The following C14orf132 variants were observed in gnomAD, a reference collection of about 807,000 sequenced individuals.
C14orf132 encodes the protein chromosome 14 open reading frame 132.
C14orf132 carries 6 observed loss-of-function variants against 5.8 expected under a neutral mutation model. The observed-to-expected ratio is 1.03, with a 90% confidence interval of 0.57 to 2.04. The LOEUF is 2.04. Among genes scored for constraint, C14orf132 ranks in the 30% most tolerant of loss-of-function variants. The probability of loss-of-function intolerance (pLI) is 0.00; values close to 1 mark genes in which losing one functional copy is unlikely to be tolerated. For synonymous variants in C14orf132, 51 were observed against 49.8 expected (o/e 1.02, Z -0.10); for missense variants, 125 against 115.8 (o/e 1.08, Z -0.37).
At chr14:96,070,581 G>GTC (rs150319643) in intron 1 of C14orf132, among the ~76,000 whole-genome samples, 8,203 of 144,232 alleles carry the variant, frequency 0.057, 456 homozygotes, top group Admixed American at 0.14. Flanking sequence ...GGTAGATGAA[G>GTC]TCTCTCTCTC....
At chr14:96,054,928 G>A (rs1301854073) in intron 1 of C14orf132, among the ~76,000 whole-genome samples, 1 of 152,194 alleles carries the variant, frequency 6.6e-6, no homozygotes, top group Non-Finnish European at 1.5e-5. Context: ...CTCATTCTGA[G>A]AGGAGATCTC....
At position 96,089,096 on chromosome 14, in the gene C14orf132, C is replaced by CTT. The variant is rs575440910; in HGVS notation, c.*2369_*2370dup. The CTT allele has an allele frequency of 5.3e-5, 8 of 151,864 alleles. No homozygotes were observed. The highest frequency in any genetic ancestry group is 1.7e-4 in the African/African-American group (7 of 41,424). 9.4% of individuals were successfully genotyped at this position (151,864 alleles called of 1,614,324 possible). On this transcript the variant is annotated 3_prime_UTR_variant, in exon 2 of 2. Transcript: ENST00000555004. ...TGGTCTCCTGTGGTTTCTTCATCAG[C>CTT]TTTTTTTTTACCAGCATCTCTCAAA...
At chr14:96,054,370 G>A (rs368703263) in intron 1 of C14orf132, among the ~76,000 whole-genome samples, 2 of 152,192 alleles carry the variant, frequency 1.3e-5, no homozygotes, top group Non-Finnish European at 1.5e-5. Flanking sequence ...GTTATGATAC[G>A]TTGCCACAAG....
intron 1 of C14orf132, among the ~76,000 whole-genome samples, chr14:96,060,130 G>C (rs141207859): frequency 2.3e-3 from 352 of 152,330 alleles, no homozygotes; most frequent in Non-Finnish European, 3.8e-3. Flanking sequence ...TGAGTGGCCA[G>C]TGCCCTTTTG....
In C14orf132 at chr14:96,088,871, T is replaced by A. The variant is rs1595197048; in HGVS notation, c.*2136T>A. ...TCTAGCCCTGAAGAGGACTCCAGCA[T>A]CCCAGGCACCGGGTGCTTCTGGCTG... On this transcript the variant is annotated 3_prime_UTR_variant, in exon 2 of 2. Transcript: ENST00000555004. The A allele has an allele frequency of 6.6e-6, 1 of 152,390 alleles. No homozygotes were observed. The highest frequency in any genetic ancestry group is 1.9e-4 in the East Asian group (1 of 5,186). 9.4% of individuals were successfully genotyped at this position (152,390 alleles called of 1,614,324 possible).
chr14:96,047,221 G>A (rs1045726764), intron 1 of C14orf132, among the ~76,000 whole-genome samples: 3 of 152,312 alleles, frequency 2.0e-5, no homozygotes, highest in South Asian at 2.1e-4. Context: ...ATGCAGAGGT[G>A]TAATGAGCAG....
At chr14:96,054,182 G>A (rs1887113505) in intron 1 of C14orf132, among the ~76,000 whole-genome samples, 1 of 152,168 alleles carries the variant, frequency 6.6e-6, no homozygotes. Context: ...TATGCAGGGT[G>A]AGTCACCCGT....
rs548160418 is a variant in C14orf132, at chr14:96,060,326, T to G, written c.27+20799T>G. Among the ~76,000 whole-genome samples the G allele has an allele frequency of 3.3e-5, 5 of 152,246 alleles. No homozygotes were observed. The South Asian group carries it at 1.0e-3, about 32-fold the overall frequency. ...TCTCTGCTGGCCCCCACACTGGCTG[T>G]GTGATCTTTGCAAAGGTGACCCCCT... is the stretch of plus-strand genomic sequence containing the variant. On this transcript the variant is annotated intron_variant, in intron 1 of 1. Coordinates refer to ENST00000555004, the MANE Select transcript of C14orf132 (RefSeq NM_001252507.3).
chr14:96,052,401 T>A (rs1341979113), intron 1 of C14orf132, among the ~76,000 whole-genome samples: 1 of 152,204 alleles, frequency 6.6e-6, no homozygotes, highest in Non-Finnish European at 1.5e-5. Flanking sequence ...GGAGAGGCTA[T>A]ACCTCTCCTC....
chr14:96,086,047 A>C (rs1258745792), intron 1 of C14orf132, among the ~76,000 whole-genome samples: 2 of 152,166 alleles, frequency 1.3e-5, no homozygotes, highest in Admixed American at 1.3e-4. Flanking sequence ...AAAACCATCA[A>C]AATGTTAGCA....
In C14orf132 at chr14:96,091,537, A is replaced by T. The variant is rs1888406383; in HGVS notation, c.*4802A>T. ...CCCGGGATTACCTGCCCCAGCCCCG[A>T]GGTGGGTTGTGCTCCCTGCAGCTGC... is the stretch of plus-strand genomic sequence containing the variant. On this transcript the variant is annotated 3_prime_UTR_variant, in exon 2 of 2. Coordinates refer to ENST00000555004, the MANE Select transcript of C14orf132 (RefSeq NM_001252507.3). 1.3e-5 allele frequency: 2 copies of T among 159,950 alleles called. No homozygotes were observed. The highest frequency in any genetic ancestry group is 6.1e-5 in the Admixed American group (1 of 16,480). The allele number at this position is 159,950 out of a possible 1,614,324, so 9.9% of individuals were successfully genotyped here. A position where few individuals can be genotyped will look rare whatever the true frequency, so the allele number is the denominator to read the frequency against.
intron 1 of C14orf132, among the ~76,000 whole-genome samples, chr14:96,046,052 G>T (rs971095759): frequency 6.6e-6 from 1 of 152,214 alleles, no homozygotes; most frequent in South Asian, 2.1e-4. Context: ...TCCCAAGGTT[G>T]TTGCTCTTCT....
chr14:96,057,182 C>T (rs1165658460), intron 1 of C14orf132, among the ~76,000 whole-genome samples: 4 of 152,014 alleles, frequency 2.6e-5, no homozygotes, highest in East Asian at 1.9e-4. Flanking sequence ...GTGATTAGAC[C>T]GTGAGGGCTT....
intron 1 of C14orf132, among the ~76,000 whole-genome samples, chr14:96,061,009 A>G (rs1183031092): frequency 6.6e-6 from 1 of 152,160 alleles, no homozygotes. Context: ...ACCATCTTTA[A>G]ATAGTAAAAA....
In C14orf132 at chr14:96,049,571, CAT is replaced by C. The variant is rs1300080958; in HGVS notation, c.27+10050_27+10051del. On this transcript the variant is annotated intron_variant, in intron 1 of 1. Transcript: ENST00000555004. ...ATATATACATATATACGTATATATACATATATACGTATATATATACATATATA... is the reference window on the plus strand; with the variant it reads ...ATATATACATATATACGTATATATACATATACGTATATATATACATATATA... Among the ~76,000 whole-genome samples, 2 of 111,022 alleles carry C rather than the reference CAT, an allele frequency of 1.8e-5. 1 individual carries two copies. Among genetic ancestry groups the C allele is most frequent in the African/African-American group, 6.2e-5 (2 of 32,314 alleles). The allele number at this position is 111,022 out of a possible 152,430, so 72.8% of individuals were successfully genotyped here.
chr14:96,045,307 T>C (rs1886802229), intron 1 of C14orf132, among the ~76,000 whole-genome samples: 1 of 152,204 alleles, frequency 6.6e-6, no homozygotes, highest in African/African-American at 2.4e-5. Flanking sequence ...GTTTGAGAGA[T>C]GCATGGCGGT....
chr14:96,074,703 C>T (rs553490995), intron 1 of C14orf132, among the ~76,000 whole-genome samples: 1 of 152,240 alleles, frequency 6.6e-6, no homozygotes, highest in South Asian at 2.1e-4. Flanking sequence ...CATTGAATTG[C>T]CTTTGCAATT....
rs977011344 is a variant in C14orf132 at position 96,088,021 on chromosome 14, G to T, written c.*1286G>T. On this transcript the variant is annotated 3_prime_UTR_variant, in exon 2 of 2. Coordinates refer to ENST00000555004, the MANE Select transcript of C14orf132 (RefSeq NM_001252507.3). ...AGAGTGGGAAAGGTCCCAGAAGGGG[G>T]CTCACTCACCTCTAGGCCCAGAGAG... The T allele has an allele frequency of 5.3e-5, 8 of 151,172 alleles. No homozygotes were observed. The highest frequency in any genetic ancestry group is 1.2e-4 in the African/African-American group (5 of 40,940). The allele number at this position is 151,172 out of a possible 1,614,324, so 9.4% of individuals were successfully genotyped here.
intron 1 of C14orf132, among the ~76,000 whole-genome samples, chr14:96,058,546 G>T (rs1362819904): frequency 3.3e-5 from 5 of 152,104 alleles, no homozygotes; most frequent in African/African-American, 1.2e-4. Flanking sequence ...AAAGCAAGAG[G>T]CATGAGAACA....
Sources: gnomAD v4.1 joint callset for allele counts (sites outside exome capture counted in the v4.1 genomes callset) on GRCh38, gnomAD v4.1.1 for gene constraint, MANE v1.5 for transcripts, NCBI Gene and HGNC (gene_info 2026-07-23, HGNC 2026-07-21) for gene names.